The following RYR2 variants were observed in gnomAD, a reference collection of about 807,000 sequenced individuals.
RYR2 encodes the protein ryanodine receptor 2.
RYR2 carries 227 observed loss-of-function variants against 601.1 expected under a neutral mutation model. That is an observed-to-expected ratio of 0.38 (90% confidence interval 0.34 to 0.42). The LOEUF (loss-of-function observed/expected upper bound fraction) is 0.42. Among genes scored for constraint, RYR2 ranks in the 10% least tolerant of loss-of-function variants. RYR2 has a pLI of 1.00. For synonymous variants in RYR2, 2,223 were observed against 2,175.1 expected, an observed-to-expected ratio of 1.02 and a Z score of -0.61; for missense variants, 4,646 against 6,156.5, an observed-to-expected ratio of 0.75 and a Z score of 8.21.
chr1:237,400,536 C>T (rs1703260326), intron 10 of RYR2, among the ~76,000 whole-genome samples: 1 of 152,164 alleles, frequency 6.6e-6, no homozygotes. Flanking sequence ...TATTAAGGTA[C>T]TGCTTTACCA....
At chr1:237,336,154 C>T (rs182536437) in intron 3 of RYR2, among the ~76,000 whole-genome samples, 78 of 152,202 alleles carry the variant, frequency 5.1e-4, no homozygotes, top group Non-Finnish European at 9.0e-4. Context: ...GAATTGTGTA[C>T]GTGGAACTTG....
At chr1:237,795,627 T>A (rs1659017544) in intron 96 of RYR2, among the ~76,000 whole-genome samples, 1 of 150,924 alleles carries the variant, frequency 6.6e-6, no homozygotes, top group African/African-American at 2.4e-5. Context: ...ATTTTTGTAT[T>A]TTTAGTCGAG....
intron 22 of RYR2, among the ~76,000 whole-genome samples, chr1:237,504,482 A>T (rs1665006460): frequency 1.3e-5 from 2 of 152,230 alleles, no homozygotes; most frequent in Admixed American, 6.5e-5. Context: ...GAATGTCATC[A>T]GTTAAGGCTA....
At chr1:237,395,487 G>A (rs1052967783) in intron 10 of RYR2, among the ~76,000 whole-genome samples, 4 of 147,512 alleles carry the variant, frequency 2.7e-5, no homozygotes, top group East Asian at 2.0e-4. Flanking sequence ...AGTCATACAC[G>A]AACACAACCA....
At chr1:237,509,159 C>T (rs1019799056) in intron 23 of RYR2, among the ~76,000 whole-genome samples, 3 of 152,152 alleles carry the variant, frequency 2.0e-5, no homozygotes, top group Non-Finnish European at 2.9e-5. Flanking sequence ...CTTGATGTAC[C>T]TCTGGGGGAA....
intron 10 of RYR2, among the ~76,000 whole-genome samples, chr1:237,389,163 C>T (rs1371063538): frequency 6.6e-6 from 1 of 151,974 alleles, no homozygotes; most frequent in Admixed American, 6.6e-5. Flanking sequence ...AAGAAGATGT[C>T]GATGGTGTCA....
intron 24 of RYR2, among the ~76,000 whole-genome samples, chr1:237,527,794 C>T (rs1175774977): frequency 2.3e-5 from 2 of 88,310 alleles, no homozygotes; most frequent in Non-Finnish European, 5.4e-5. Context: ...AGACTGTAAA[C>T]GCTGTCAAGA....
intron 2 of RYR2, among the ~76,000 whole-genome samples, chr1:237,296,353 T>C (rs1692778674): frequency 1.3e-5 from 2 of 152,202 alleles, no homozygotes; most frequent in African/African-American, 4.8e-5. Flanking sequence ...TGTTTCTAAA[T>C]AATTTTACTC....
chr1:237,244,748 G>A (rs1000983626), intron 1 of RYR2, among the ~76,000 whole-genome samples: 3 of 151,862 alleles, frequency 2.0e-5, no homozygotes, highest in African/African-American at 4.8e-5. Flanking sequence ...AACTCCTCCT[G>A]TATGTCTGTG....
chr1:237,240,043 T>C (rs1204171255), intron 1 of RYR2, among the ~76,000 whole-genome samples: 2 of 152,254 alleles, frequency 1.3e-5, no homozygotes, highest in Non-Finnish European at 2.9e-5. Flanking sequence ...CCATTAGTGC[T>C]TAAGCACAAG....
chr1:237,674,785 T>C lies in RYR2; in HGVS notation c.8769T>C (p.Tyr2923=). The change falls in exon 60 of 105, where the codon TAT becomes TAC. Residue 2923 remains tyrosine, a synonymous_variant. Transcript: ENST00000366574. ...CTTCTATTGAGAAACGATTTGCCTA[T>C]AGTTTCCTCCAACAACTCATTCGCT... ...DTPSIEKRFA[Y]SFLQQLIRYV... 6.2e-7 allele frequency: 1 copy of C among 1,612,746 alleles called. No homozygotes were observed. Among genetic ancestry groups the C allele is most frequent in the South Asian group, 1.1e-5 (1 of 90,992 alleles).
In RYR2 at chr1:237,614,062, C is replaced by T; in HGVS notation, c.4934C>T (p.Thr1645Ile). 6.2e-7 allele frequency: 1 copy of T among 1,613,374 alleles called. No homozygotes were observed. Among genetic ancestry groups the T allele is most frequent in the South Asian group, 1.1e-5 (1 of 91,040 alleles). Residue 1645 changes from threonine (T) to isoleucine (I), a missense_variant, in exon 37 of 105, where the codon ACA (threonine) becomes ATA (isoleucine). By Grantham distance (89) the Thr-to-Ile change is moderately conservative. This residue lies in a region of RYR2 where 1,807 missense variants were observed against 2,088.1 expected (regional missense o/e 0.87). Transcript: ENST00000366574. The surrounding 1 kb of genome is among the most constrained non-coding windows in gnomAD (Gnocchi z 4.3). Reference sequence around the variant, plus strand: ...AGATCTGTTGACATCTTAGAGTTGACAGAGCAGGAGGAATTGCTGAAATTT... The same window carrying T: ...AGATCTGTTGACATCTTAGAGTTGATAGAGCAGGAGGAATTGCTGAAATTT... ...ENRSVDILEL[T>I]EQEELLKFHY...
At chr1:237,090,487 A>G (rs1666844865) in intron 1 of RYR2, among the ~76,000 whole-genome samples, 1 of 152,130 alleles carries the variant, frequency 6.6e-6, no homozygotes, top group Non-Finnish European at 1.5e-5. Context: ...AAGGCCAGGA[A>G]CCAACAGATT....
chr1:237,394,899 C>T (rs955202488), intron 10 of RYR2, among the ~76,000 whole-genome samples: 2 of 152,150 alleles, frequency 1.3e-5, no homozygotes, highest in East Asian at 3.9e-4. Context: ...AGGAAACTTA[C>T]AATCATGGCA....
In RYR2 at chr1:237,155,179, C is replaced by CTTTTCT. The variant is rs1553319689; in HGVS notation, c.48+112614_48+112615insCTTTTT. Among the ~76,000 whole-genome samples, 419 of 127,586 alleles carry CTTTTCT rather than the reference C, an allele frequency of 3.3e-3. 3 individuals carry two copies. Among genetic ancestry groups the CTTTTCT allele is most frequent in the Non-Finnish European group, 3.7e-3 (236 of 63,194 alleles). The allele number at this position is 127,586 out of a possible 152,430, so 83.7% of individuals were successfully genotyped here. A position where few individuals can be genotyped will look rare whatever the true frequency, so the allele number is the denominator to read the frequency against. On this transcript the variant is annotated intron_variant, in intron 1 of 104. Coordinates refer to ENST00000366574, the MANE Select transcript of RYR2 (RefSeq NM_001035.3). ...TGGTATATATATATTTTTTTCTTTT[C>CTTTTCT]TTTTTTTTTTTTTTTTGACAGAGTC...
chr1:237,304,416 G>A (rs1693671327), intron 2 of RYR2, among the ~76,000 whole-genome samples: 1 of 152,166 alleles, frequency 6.6e-6, no homozygotes, highest in Non-Finnish European at 1.5e-5. Flanking sequence ...AATACAGAAA[G>A]AGCTACACAA....
chr1:237,750,804 C>T (rs1339178634), intron 80 of RYR2, among the ~76,000 whole-genome samples: 1 of 152,072 alleles, frequency 6.6e-6, no homozygotes, highest in African/African-American at 2.4e-5. Flanking sequence ...AAATGGCTAC[C>T]AAGTATCTGG....
At chr1:237,335,910 T>C (rs1276431494) in intron 3 of RYR2, among the ~76,000 whole-genome samples, 2 of 152,224 alleles carry the variant, frequency 1.3e-5, no homozygotes, top group Admixed American at 1.3e-4. Flanking sequence ...ATGTTATAAA[T>C]ATTGTGATGA....
chr1:237,250,946 T>C (rs910792218), intron 1 of RYR2, among the ~76,000 whole-genome samples: 2 of 152,154 alleles, frequency 1.3e-5, no homozygotes, highest in African/African-American at 4.8e-5. Context: ...GGATCTTCCC[T>C]GTATAGCCCA....
Sources: allele counts gnomAD v4.1 joint callset (sites outside exome capture counted in the v4.1 genomes callset), GRCh38; gene constraint gnomAD v4.1.1; regional missense constraint gnomAD v4.1.1; non-coding constraint Gnocchi (gnomAD v3.1); transcripts MANE v1.5; gene names NCBI Gene and HGNC (gene_info 2026-07-23, HGNC 2026-07-21).